CIB4: variants seen among roughly 807,000 people sequenced by gnomAD.
CIB4 encodes the protein calcium and integrin-binding family member 4.
A neutral mutation model predicts 25.8 loss-of-function variants in CIB4; 25 were observed. The ratio of observed to expected loss-of-function variants is 0.97; its 90% CI spans 0.71 to 1.35. The LOEUF (loss-of-function observed/expected upper bound fraction) is 1.35, where lower values mean the gene tolerates loss of function less well. Among genes scored for constraint, CIB4 ranks in the 40% most tolerant of loss-of-function variants. CIB4 has a pLI of 0.00. For missense variants in CIB4, 235 were observed against 228.2 expected (o/e 1.03, Z -0.19); for synonymous variants, 75 against 81.4 (o/e 0.92, Z 0.42).
At chr2:26,589,448 A>C (rs1288515031) in intron 4 of CIB4, among the ~76,000 whole-genome samples, 1 of 151,990 alleles carries the variant, frequency 6.6e-6, no homozygotes, top group African/African-American at 2.4e-5. Context: ...CAGCCTCCTG[A>C]GTAGCTGGGA....
At chr2:26,633,219 A>G (rs1669466883) in intron 2 of CIB4, among the ~76,000 whole-genome samples, 1 of 152,152 alleles carries the variant, frequency 6.6e-6, no homozygotes, top group African/African-American at 2.4e-5. Flanking sequence ...GCAGAAAAGA[A>G]ACTCACCAGC....
At chr2:26,586,042 C>A (rs1000735470) in intron 4 of CIB4, among the ~76,000 whole-genome samples, 2 of 152,206 alleles carry the variant, frequency 1.3e-5, no homozygotes, top group Non-Finnish European at 2.9e-5. Flanking sequence ...ACTTCCCATG[C>A]ACTACCCCAC....
intron 3 of CIB4, among the ~76,000 whole-genome samples, chr2:26,604,252 C>T (rs776491109): frequency 4.6e-5 from 7 of 151,902 alleles, no homozygotes; most frequent in Admixed American, 1.3e-4. Flanking sequence ...TGGTGGTGCA[C>T]GCCTGCAGTC....
intron 4 of CIB4, among the ~76,000 whole-genome samples, chr2:26,591,760 C>G (rs1399851280): frequency 9.2e-5 from 14 of 152,244 alleles, no homozygotes; most frequent in Non-Finnish European, 2.1e-4. Flanking sequence ...TCAAGAGTCT[C>G]TCCCCCTGGC....
chr2:26,586,899 GA>G lies in CIB4; in HGVS notation c.329-3002del, dbSNP rs1474688015. Among the ~76,000 whole-genome samples the G allele has an allele frequency of 3.9e-5, 6 of 152,192 alleles. No homozygotes were observed. The East Asian group carries it at 5.8e-4, about 15-fold the overall frequency. On this transcript the variant is annotated intron_variant, in intron 4 of 6. Transcript: ENST00000288861. ...CAACTTCTGGGACCATCTATAAAGA[GA>G]AGGTGTGGTCGTCTGGGATAATGAG...
At chr2:26,640,424 C>G in intron 2 of CIB4, 109 bp downstream of exon 2, 1 of 1,211,732 alleles carries the variant, frequency 8.3e-7, no homozygotes, top group Non-Finnish European at 1.2e-6. Flanking sequence ...GGCTGTGTGG[C>G]TCTGAGCAGG....
intron 3 of CIB4, among the ~76,000 whole-genome samples, chr2:26,610,819 G>C (rs1343369146): frequency 9.7e-6 from 1 of 103,606 alleles, no homozygotes; most frequent in East Asian, 2.5e-4. Context: ...TAAGAAAACT[G>C]AGGGGTGAGG....
In CIB4 at chr2:26,589,107, CCTCTTCTTCT is replaced by C. The variant is rs1668531442; in HGVS notation, c.329-5219_329-5210del. 7.6e-5 allele frequency among the ~76,000 whole-genome samples: 7 copies of C among 92,288 alleles called. 1 individual carries two copies. Among genetic ancestry groups the C allele is most frequent in the African/African-American group, 2.0e-4 (4 of 19,928 alleles). The allele number at this position is 92,288 out of a possible 152,430, so 60.5% of individuals were successfully genotyped here. ...TCTTCTTCTTCTTCTTCTTCTTCTT[CCTCTTCTTCT>C]TCTTCTTCTTCTTCTTCTTCTTCTC... On this transcript the variant is annotated intron_variant, in intron 4 of 6. Transcript: ENST00000288861.
intron 3 of CIB4, among the ~76,000 whole-genome samples, chr2:26,606,279 C>T (rs934806686): frequency 6.6e-6 from 1 of 152,200 alleles, no homozygotes; most frequent in African/African-American, 2.4e-5. Context: ...GGAAGTATCT[C>T]AATCAAGCGC....
At chr2:26,592,106 A>G (rs1316715207) in intron 4 of CIB4, among the ~76,000 whole-genome samples, 1 of 152,252 alleles carries the variant, frequency 6.6e-6, no homozygotes, top group Non-Finnish European at 1.5e-5. Context: ...TTCTTACACA[A>G]TGGAAAACTC....
chr2:26,617,802 C>G (rs1468118799), intron 3 of CIB4, among the ~76,000 whole-genome samples: 4 of 152,156 alleles, frequency 2.6e-5, no homozygotes, highest in African/African-American at 9.7e-5. Context: ...GTGTAGCGTT[C>G]CCAGAGGGCT....
At chr2:26,614,655 C>A (rs1669058010) in intron 3 of CIB4, among the ~76,000 whole-genome samples, 1 of 152,316 alleles carries the variant, frequency 6.6e-6, no homozygotes, top group Non-Finnish European at 1.5e-5. Flanking sequence ...ACTCATCTGC[C>A]AAGTGGGGCT....
chr2:26,626,696 G>C (rs1025281048), intron 3 of CIB4, among the ~76,000 whole-genome samples: 2 of 152,052 alleles, frequency 1.3e-5, no homozygotes, highest in African/African-American at 4.8e-5. Context: ...AGCAAGTTCG[G>C]GGGGAAGAGG....
intron 3 of CIB4, among the ~76,000 whole-genome samples, chr2:26,619,027 T>C (rs1486585324): frequency 6.6e-6 from 1 of 152,108 alleles, no homozygotes; most frequent in Non-Finnish European, 1.5e-5. Context: ...CAGAATTCCC[T>C]GAGAAGAAGC....
chr2:26,625,745 C>T (rs756238191), intron 3 of CIB4, among the ~76,000 whole-genome samples: 13 of 152,238 alleles, frequency 8.5e-5, no homozygotes. Context: ...TTAATTAGAT[C>T]CCATTTGTCA....
intron 3 of CIB4, among the ~76,000 whole-genome samples, chr2:26,609,227 G>A (rs1668950724): frequency 6.6e-6 from 1 of 152,218 alleles, no homozygotes; most frequent in Non-Finnish European, 1.5e-5. Context: ...AGGCCTGGGT[G>A]GAGGCAGGAG....
chr2:26,592,625 G>A (rs1320870108), intron 4 of CIB4, among the ~76,000 whole-genome samples: 1 of 151,904 alleles, frequency 6.6e-6, no homozygotes, highest in Admixed American at 6.6e-5. Context: ...CGTCTCTGAG[G>A]CTCTGTTCCC....
intron 3 of CIB4, among the ~76,000 whole-genome samples, chr2:26,608,602 A>G (rs1668937728): frequency 6.6e-6 from 1 of 151,954 alleles, no homozygotes; most frequent in Non-Finnish European, 1.5e-5. Context: ...TGTCAGGCTG[A>G]CTCCCAGGCT....
intron 1 of CIB4, among the ~76,000 whole-genome samples, chr2:26,640,989 A>G (rs1447132398): frequency 6.6e-6 from 1 of 152,242 alleles, no homozygotes. Context: ...CATGCAGCCC[A>G]GGACAGCTTT....
Sources: gnomAD v4.1 joint callset for allele counts (sites outside exome capture counted in the v4.1 genomes callset) on GRCh38, gnomAD v4.1.1 for gene constraint, MANE v1.5 for transcripts, NCBI Gene and HGNC (gene_info 2026-07-23, HGNC 2026-07-21) for gene names.